Variants in SHOC2 observed in about 807,000 individuals in gnomAD.
SHOC2 encodes the protein leucine-rich repeat protein SHOC-2.
In SHOC2, 4 loss-of-function variants were observed where a neutral mutation model predicts 50.2. The ratio of observed to expected loss-of-function variants is 0.08; its 90% CI spans 0.04 to 0.18. SHOC2 has a LOEUF of 0.18. Among genes scored for constraint, SHOC2 ranks in the 10% least tolerant of loss-of-function variants. The probability of loss-of-function intolerance (pLI) is 1.00; values close to 1 mark genes in which losing one functional copy is unlikely to be tolerated. For synonymous variants in SHOC2, 218 were observed against 244.5 expected (o/e 0.89, Z 1.01); for missense variants, 388 against 669.6 (o/e 0.58, Z 4.64).
rs72819757 is a variant in SHOC2 at position 110,963,531 on chromosome 10, C to A, written c.-234-594C>A. On this transcript the variant is annotated intron_variant, in intron 1 of 8. Coordinates refer to ENST00000369452, the MANE Select transcript of SHOC2 (RefSeq NM_007373.4). ...TTTTTCTTTTGCCAGACTGCTCTCT[C>A]TTCTATCGTCACCACCACTGAAATC... Among the ~76,000 whole-genome samples the A allele has an allele frequency of 3.2e-3, 493 of 152,190 alleles. 6 individuals are homozygous for A. The highest frequency in any genetic ancestry group is 0.015 in the Admixed American group (233 of 15,276).
At chr10:110,942,476 G>A (rs919743967) in intron 1 of SHOC2, among the ~76,000 whole-genome samples, 1 of 152,090 alleles carries the variant, frequency 6.6e-6, no homozygotes, top group Non-Finnish European at 1.5e-5. Flanking sequence ...GCCCCACAAG[G>A]TGCTAGGATT....
chr10:110,948,332 G>A (rs1459326212), intron 1 of SHOC2, among the ~76,000 whole-genome samples: 1 of 152,300 alleles, frequency 6.6e-6, no homozygotes, highest in East Asian at 1.9e-4. Context: ...AGATAGATTA[G>A]CCAGACAGAA....
intron 1 of SHOC2, among the ~76,000 whole-genome samples, chr10:110,961,240 T>G (rs1213257257): frequency 6.6e-6 from 1 of 152,152 alleles, no homozygotes; most frequent in African/African-American, 2.4e-5. Context: ...GATTCAAATT[T>G]TATGCAAATA....
chr10:110,958,487 C>T (rs1298408232), intron 1 of SHOC2, among the ~76,000 whole-genome samples: 1 of 152,170 alleles, frequency 6.6e-6, no homozygotes, highest in African/African-American at 2.4e-5. Context: ...GCTAGGATTA[C>T]AGGCGTGAGC....
chr10:110,980,950 G>A (rs944971941), intron 2 of SHOC2, among the ~76,000 whole-genome samples: 4 of 152,080 alleles, frequency 2.6e-5, no homozygotes, highest in African/African-American at 9.7e-5. Flanking sequence ...GTTTCATGTG[G>A]ATGGAAACTT....
At chr10:110,956,737 C>A (rs1180434961) in intron 1 of SHOC2, among the ~76,000 whole-genome samples, 1 of 151,262 alleles carries the variant, frequency 6.6e-6, no homozygotes, top group South Asian at 2.1e-4. Flanking sequence ...CCTCTGTTAC[C>A]TTATATAATC....
intron 1 of SHOC2, among the ~76,000 whole-genome samples, chr10:110,929,150 A>G (rs548324621): frequency 6.6e-6 from 1 of 152,326 alleles, no homozygotes; most frequent in South Asian, 2.1e-4. Context: ...GTCATATTCA[A>G]ATTCTTTGAA....
chr10:110,948,643 A>G (rs745656418), intron 1 of SHOC2, among the ~76,000 whole-genome samples: 6 of 152,224 alleles, frequency 3.9e-5, no homozygotes, highest in Admixed American at 6.5e-5. Context: ...CAGTGGATCA[A>G]AGAAAAAAGG....
Position 111,004,626 on chromosome 10 carries a change from G to A in SHOC2, c.993G>A (p.Val331=). ...TLPESLLSSL[V]KLNSLTLARN... ...TACAGAGTCTTTTATCAAGTCTTGT[G>A]AAACTGAATAGTTTGACCTTAGCTA... The change falls in exon 5 of 9, where the codon GTG becomes GTA. Residue 331 remains valine, a synonymous_variant. Coordinates refer to ENST00000369452, the MANE Select transcript of SHOC2 (RefSeq NM_007373.4). 1 of 1,612,218 alleles carries A rather than the reference G, an allele frequency of 6.2e-7. No individual in the cohort carries two copies. The highest frequency in any genetic ancestry group is 8.5e-7 in the Non-Finnish European group (1 of 1,178,282).
chr10:110,990,621 C>A (rs531509210), intron 3 of SHOC2, among the ~76,000 whole-genome samples: 69 of 152,122 alleles, frequency 4.5e-4, no homozygotes, highest in Admixed American at 1.2e-3. Context: ...ATCAGCAGGA[C>A]GTGGGTGGGG....
At chr10:110,977,307 A>C (rs1247368003) in intron 2 of SHOC2, among the ~76,000 whole-genome samples, 1 of 152,042 alleles carries the variant, frequency 6.6e-6, no homozygotes, top group Non-Finnish European at 1.5e-5. Flanking sequence ...GCTGGAGTGC[A>C]ATGGTGTGAT....
intron 1 of SHOC2, among the ~76,000 whole-genome samples, chr10:110,961,743 G>T (rs956841420): frequency 2.0e-5 from 3 of 152,102 alleles, no homozygotes; most frequent in African/African-American, 7.2e-5. Flanking sequence ...TAGTATTATG[G>T]ATTATGGGAA....
chr10:110,967,377 C>G (rs1371652349), intron 2 of SHOC2, among the ~76,000 whole-genome samples: 1 of 152,120 alleles, frequency 6.6e-6, no homozygotes, highest in African/African-American at 2.4e-5. Flanking sequence ...AGGGTCTGTA[C>G]TTTTAAAGAG....
At chr10:111,010,305 AC>A (rs1249636421) in intron 8 of SHOC2, among the ~76,000 whole-genome samples, 1 of 152,162 alleles carries the variant, frequency 6.6e-6, no homozygotes, top group Non-Finnish European at 1.5e-5. Flanking sequence ...GGAATTTTAG[AC>A]AGTGCAAGTT....
At chr10:111,008,385 A>G (rs1255040907) in intron 6 of SHOC2, among the ~76,000 whole-genome samples, 6 of 151,878 alleles carry the variant, frequency 4.0e-5, no homozygotes, top group South Asian at 2.1e-4. Context: ...GTGAAATAGT[A>G]TGGTTTAATG....
rs373459532 is a variant in SHOC2, at chr10:111,013,570, A to G, written c.*1752A>G. The G allele has an allele frequency of 6.6e-6, 1 of 152,076 alleles. No homozygotes were observed. The highest frequency in any genetic ancestry group is 2.4e-5 in the African/African-American group (1 of 41,438). The allele number at this position is 152,076 out of a possible 1,614,324, so 9.4% of individuals were successfully genotyped here. A position where few individuals can be genotyped will look rare whatever the true frequency, so the allele number is the denominator to read the frequency against. The stretch of plus-strand genomic sequence containing the variant: ...TTGTAGATGTCACTGGATTTTACCA[A>G]GTAATATCCTTTCTTTTTTTTTTCC... On this transcript the variant is annotated 3_prime_UTR_variant, in exon 9 of 9. Coordinates refer to ENST00000369452, the MANE Select transcript of SHOC2 (RefSeq NM_007373.4).
chr10:110,949,373 C>T (rs907558631), intron 1 of SHOC2, among the ~76,000 whole-genome samples: 3 of 151,970 alleles, frequency 2.0e-5, no homozygotes, highest in African/African-American at 7.2e-5. Flanking sequence ...AGAAGCATAG[C>T]GTCTACCAAT....
chr10:110,940,303 T>C (rs1847109973), intron 1 of SHOC2, among the ~76,000 whole-genome samples: 1 of 152,218 alleles, frequency 6.6e-6, no homozygotes, highest in Non-Finnish European at 1.5e-5. Flanking sequence ...ACATTAATTG[T>C]GGTGTATGTT....
chr10:110,957,482 A>G (rs1338771190), intron 1 of SHOC2, among the ~76,000 whole-genome samples: 2 of 152,044 alleles, frequency 1.3e-5, no homozygotes, highest in Non-Finnish European at 2.9e-5. Context: ...GTTTGTGGAT[A>G]AATGTAAATT....
Sources: gnomAD v4.1 joint callset for allele counts (sites outside exome capture counted in the v4.1 genomes callset) on GRCh38, gnomAD v4.1.1 for gene constraint, MANE v1.5 for transcripts, NCBI Gene and HGNC (gene_info 2026-07-23, HGNC 2026-07-21) for gene names.